The following ZRANB3 variants were observed in gnomAD, a reference collection of about 807,000 sequenced individuals.
The protein encoded by ZRANB3 is zinc finger RANBP2-type containing 3.
In ZRANB3, 125 loss-of-function variants were observed where a neutral mutation model predicts 133.8. The ratio of observed to expected loss-of-function variants is 0.93; its 90% CI spans 0.81 to 1.08. The LOEUF is 1.08. ZRANB3 is among the 50% of genes least tolerant of loss of function. The pLI is 0.00. For synonymous variants in ZRANB3, 387 were observed against 432.7 expected (o/e 0.89, Z 1.31); for missense variants, 1,229 against 1,275.5 (o/e 0.96, Z 0.56).
chr2:135,286,832 A>C (rs1418544162), intron 8 of ZRANB3, among the ~76,000 whole-genome samples: 1 of 151,914 alleles, frequency 6.6e-6, no homozygotes, highest in Non-Finnish European at 1.5e-5. Flanking sequence ...CCTTTGTTGG[A>C]GGCATAGTTT....
intron 1 of ZRANB3, among the ~76,000 whole-genome samples, chr2:135,510,034 A>C (rs1693375921): frequency 6.6e-6 from 1 of 152,224 alleles, no homozygotes; most frequent in Non-Finnish European, 1.5e-5. Context: ...CAAATTTTCC[A>C]ATGGCAATTT....
rs148692969 is a variant in ZRANB3 at position 135,377,904 on chromosome 2, T to C, written c.180+12898A>G. On this transcript the variant is annotated intron_variant, in intron 3 of 20. Coordinates refer to ENST00000264159, the MANE Select transcript of ZRANB3 (RefSeq NM_032143.4). ...CTTAATCTGGTTGGGCACAATATAA[T>C]CAGCTGCCATGGTGGCTAGAATATA... 1.9e-4 allele frequency among the ~76,000 whole-genome samples: 29 copies of C among 152,240 alleles called. No homozygotes were observed. In the East Asian group the frequency reaches 5.6e-3, roughly 29 times the overall value.
Position 135,475,306 on chromosome 2 carries a change from A to G in ZRANB3, c.161+29023T>C, listed in dbSNP as rs374873550. Among the ~76,000 whole-genome samples the G allele has an allele frequency of 5.3e-5, 8 of 152,328 alleles. No homozygotes were observed. In the South Asian group the frequency reaches 6.2e-4, roughly 12 times the overall value. ...GGGTCCCATTTATGTCTTCACTGCT[A>G]GAGAGGAACCTCTTCCTGCCCTCCA... On this transcript the variant is annotated intron_variant, in intron 2 of 20. Coordinates refer to ENST00000264159, the MANE Select transcript of ZRANB3 (RefSeq NM_032143.4).
intron 8 of ZRANB3, among the ~76,000 whole-genome samples, chr2:135,285,115 G>T (rs973152284): frequency 6.6e-6 from 1 of 152,168 alleles, no homozygotes; most frequent in Non-Finnish European, 1.5e-5. Context: ...AAAGTGCTGG[G>T]ATTACAGGCA....
At chr2:135,420,457 A>G (rs2104968505) in intron 2 of ZRANB3, among the ~76,000 whole-genome samples, 1 of 152,094 alleles carries the variant, frequency 6.6e-6, no homozygotes, top group Non-Finnish European at 1.5e-5. Flanking sequence ...GTAGTAGGGG[A>G]GTTTATTAAA....
At chr2:135,231,810 C>T (rs539048125) in intron 12 of ZRANB3, among the ~76,000 whole-genome samples, 7 of 151,504 alleles carry the variant, frequency 4.6e-5, no homozygotes, top group South Asian at 2.1e-4. Context: ...CACAAAAAAA[C>T]GGGGGATGGA....
At chr2:135,491,704 A>T (rs1277429237) in intron 2 of ZRANB3, among the ~76,000 whole-genome samples, 1 of 151,614 alleles carries the variant, frequency 6.6e-6, no homozygotes, top group Non-Finnish European at 1.5e-5. Flanking sequence ...TTTGGTAGAG[A>T]TGGGGTTTCA....
intron 2 of ZRANB3, among the ~76,000 whole-genome samples, chr2:135,486,321 C>T (rs571791246): frequency 6.6e-6 from 1 of 152,318 alleles, no homozygotes; most frequent in South Asian, 2.1e-4. Flanking sequence ...GTCACTTCAA[C>T]ATTGCTCACA....
chr2:135,504,175 G>A, intron 2 of ZRANB3, 154 bp downstream of exon 2: 1 of 824,902 alleles, frequency 1.2e-6, no homozygotes, highest in Non-Finnish European at 2.0e-6. Flanking sequence ...TGAAGTATAA[G>A]TCAACCATAG....
Position 135,341,855 on chromosome 2 carries a change from GC to G in ZRANB3, c.677+3694del, listed in dbSNP as rs1381796872. 1.3e-5 allele frequency among the ~76,000 whole-genome samples: 2 copies of G among 149,988 alleles called. 1 individual carries two copies. The highest frequency in any genetic ancestry group is 5.1e-5 in the African/African-American group (2 of 39,302). On this transcript the variant is annotated intron_variant, in intron 6 of 20. Transcript: ENST00000264159. ...GGCTTACTAGGATTAGGAGATTCCAGCCTGGCAAATTCTAGTCAGACTGGTT... is the reference window on the plus strand; with the variant it reads ...GGCTTACTAGGATTAGGAGATTCCAGCTGGCAAATTCTAGTCAGACTGGTT...
Position 135,501,563 on chromosome 2 carries a change from C to T in ZRANB3, c.161+2766G>A, listed in dbSNP as rs965895779. Among the ~76,000 whole-genome samples, 12 of 152,158 alleles carry T rather than the reference C, an allele frequency of 7.9e-5. No homozygotes were observed. In the East Asian group the frequency reaches 1.7e-3, roughly 22 times the overall value. ...GAAATTTTCCCAGTGATCTTAAAAGCGTTCCCTAAAGCTTTTCTTTTTGCT... is the reference window on the plus strand; with the variant it reads ...GAAATTTTCCCAGTGATCTTAAAAGTGTTCCCTAAAGCTTTTCTTTTTGCT... On this transcript the variant is annotated intron_variant, in intron 2 of 20. Coordinates refer to ENST00000264159, the MANE Select transcript of ZRANB3 (RefSeq NM_032143.4).
Position 135,329,682 on chromosome 2 carries a change from T to A in ZRANB3, c.678-14152A>T, listed in dbSNP as rs897290671. Among the ~76,000 whole-genome samples the A allele has an allele frequency of 2.0e-5, 3 of 152,240 alleles. No individual in the cohort carries two copies. The East Asian group carries it at 5.8e-4, about 29-fold the overall frequency. On this transcript the variant is annotated intron_variant, in intron 6 of 20. Coordinates refer to ENST00000264159, the MANE Select transcript of ZRANB3 (RefSeq NM_032143.4). The stretch of plus-strand genomic sequence containing the variant: ...CCATTTTCATGATATTGATTCTTCC[T>A]ATCCATGAGCATGGAATGTTCTTCC...
At chr2:135,246,809 C>CT (rs1695822656) in intron 12 of ZRANB3, among the ~76,000 whole-genome samples, 1 of 152,130 alleles carries the variant, frequency 6.6e-6, no homozygotes, top group African/African-American at 2.4e-5. Flanking sequence ...CTGCAAAATG[C>CT]TTAAGATGGC....
At chr2:135,444,928 C>A (rs1559003686) in intron 2 of ZRANB3, among the ~76,000 whole-genome samples, 1 of 152,080 alleles carries the variant, frequency 6.6e-6, no homozygotes, top group Non-Finnish European at 1.5e-5. Context: ...GAGCAATGAT[C>A]ACTGGATTTA....
At chr2:135,232,978 G>T (rs762861504) in intron 12 of ZRANB3, among the ~76,000 whole-genome samples, 1 of 152,092 alleles carries the variant, frequency 6.6e-6, no homozygotes, top group Non-Finnish European at 1.5e-5. Context: ...GAAGGCTTCC[G>T]ACAATCAAAC....
chr2:135,428,578 T>A (rs1280165557), intron 2 of ZRANB3, among the ~76,000 whole-genome samples: 1 of 152,142 alleles, frequency 6.6e-6, no homozygotes, highest in Admixed American at 6.6e-5. Context: ...TACAGAATTT[T>A]GGGAGAAAAT....
chr2:135,228,947 C>T (rs183661636), intron 13 of ZRANB3, among the ~76,000 whole-genome samples: 2 of 152,032 alleles, frequency 1.3e-5, no homozygotes, highest in African/African-American at 4.8e-5. Flanking sequence ...CTTGGTATTG[C>T]AAAGGAAAAA....
At chr2:135,235,145 AATACT>A (rs1695229783) in intron 12 of ZRANB3, among the ~76,000 whole-genome samples, 1 of 152,352 alleles carries the variant, frequency 6.6e-6, no homozygotes, top group East Asian at 1.9e-4. Flanking sequence ...ACCATCAGAG[AATACT>A]ATAAACACCT....
intron 2 of ZRANB3, among the ~76,000 whole-genome samples, chr2:135,414,171 G>A (rs929879864): frequency 6.6e-6 from 1 of 152,096 alleles, no homozygotes; most frequent in Non-Finnish European, 1.5e-5. Context: ...ATTGGATAAA[G>A]AGTCAAGACC....
Sources: gnomAD v4.1 joint callset for allele counts (sites outside exome capture counted in the v4.1 genomes callset) on GRCh38, gnomAD v4.1.1 for gene constraint, MANE v1.5 for transcripts, NCBI Gene and HGNC (gene_info 2026-07-23, HGNC 2026-07-21) for gene names.